Variants in EXOC6 observed in about 807,000 individuals in gnomAD.
EXOC6 encodes the protein exocyst complex component 6, also known as SEC15-like 1.
In EXOC6, 60 loss-of-function variants were observed where a neutral mutation model predicts 112.5. The observed-to-expected ratio is 0.53, with a 90% CI of 0.43 to 0.66. The LOEUF (loss-of-function observed/expected upper bound fraction) is 0.66, where lower values mean the gene tolerates loss of function less well. Among genes scored for constraint, EXOC6 ranks in the 30% least tolerant of loss-of-function variants. The pLI is 0.00. For missense variants in EXOC6, 855 were observed against 957.1 expected (o/e 0.89, Z 1.41); for synonymous variants, 295 against 308.0 (o/e 0.96, Z 0.44).
At chr10:92,986,876 A>G (rs760478058) in intron 18 of EXOC6, among the ~76,000 whole-genome samples, 21 of 152,104 alleles carry the variant, frequency 1.4e-4, no homozygotes, top group Non-Finnish European at 2.9e-4. Flanking sequence ...GAACTACGGC[A>G]GGGGCATATA....
chr10:92,887,527 G>C (rs990486934), intron 1 of EXOC6, among the ~76,000 whole-genome samples: 7 of 149,550 alleles, frequency 4.7e-5, no homozygotes, highest in Admixed American at 4.1e-4. Context: ...AGCCTCCCAA[G>C]TAGCTGGGAT....
At chr10:92,828,612 G>A (rs889419476) in intron 1 of EXOC6, among the ~76,000 whole-genome samples, 3 of 148,242 alleles carry the variant, frequency 2.0e-5, no homozygotes, top group Non-Finnish European at 4.4e-5. Context: ...AGGATTACAG[G>A]TGTGAGCCAC....
At chr10:92,891,786 G>A (rs1373720626) in intron 1 of EXOC6, among the ~76,000 whole-genome samples, 1 of 152,112 alleles carries the variant, frequency 6.6e-6, no homozygotes, top group African/African-American at 2.4e-5. Flanking sequence ...TGGCTGCCAA[G>A]AGTCTAAATT....
chr10:92,909,919 C>G (rs1315316583), intron 6 of EXOC6, among the ~76,000 whole-genome samples: 1 of 152,208 alleles, frequency 6.6e-6, no homozygotes, highest in Non-Finnish European at 1.5e-5. Flanking sequence ...CCAGCCAAAT[C>G]TGGTATAGAA....
chr10:93,000,675 A>G (rs542244971), intron 19 of EXOC6, among the ~76,000 whole-genome samples: 182 of 152,280 alleles, frequency 1.2e-3, no homozygotes, highest in African/African-American at 4.2e-3. Flanking sequence ...CTACTTCTTA[A>G]TACTTCTGTA....
intron 19 of EXOC6, among the ~76,000 whole-genome samples, chr10:93,008,690 G>C (rs1249025241): frequency 6.6e-6 from 1 of 152,114 alleles, no homozygotes. Context: ...GAAATGATTT[G>C]TATTACTATT....
intron 18 of EXOC6, among the ~76,000 whole-genome samples, chr10:92,975,072 G>A (rs1203732894): frequency 1.3e-5 from 2 of 150,978 alleles, no homozygotes; most frequent in Non-Finnish European, 3.0e-5. Flanking sequence ...GCCCAGTCTG[G>A]AAAGTGAGGA....
intron 8 of EXOC6, among the ~76,000 whole-genome samples, chr10:92,925,399 A>G (rs1851660662): frequency 6.6e-6 from 1 of 151,986 alleles, no homozygotes. Context: ...GGTTCAAGCA[A>G]TTATCATGCC....
At chr10:93,014,958 T>A (rs963552181) in intron 20 of EXOC6, among the ~76,000 whole-genome samples, 14 of 152,290 alleles carry the variant, frequency 9.2e-5, no homozygotes, top group South Asian at 2.1e-4. Context: ...TGTTTTTTTT[T>A]AATTCCTATT....
chr10:93,053,598 T>C lies in EXOC6; in HGVS notation c.2170-3326T>C, dbSNP rs371417580. Among the ~76,000 whole-genome samples, 69 of 152,338 alleles carry C rather than the reference T, an allele frequency of 4.5e-4. 2 individuals carry two copies. In the South Asian group the frequency reaches 0.01, roughly 23 times the overall value. Reference sequence around the variant, plus strand: ...GTCACTTCACTATATTCACTTGCCATAGTTTGCCTGCAAGCCAACATTGGC... The same window carrying C: ...GTCACTTCACTATATTCACTTGCCACAGTTTGCCTGCAAGCCAACATTGGC... On this transcript the variant is annotated intron_variant, in intron 20 of 21. Transcript: ENST00000260762.
chr10:92,980,497 CT>C (rs1019900634), intron 18 of EXOC6, among the ~76,000 whole-genome samples: 4 of 152,002 alleles, frequency 2.6e-5, no homozygotes, highest in Admixed American at 1.3e-4. Context: ...ACTTTTTTCA[CT>C]TTTTTTCTTG....
Position 93,058,324 on chromosome 10 carries a change from G to A in EXOC6, c.2384G>A (p.Ser795Asn), listed in dbSNP as rs756669553. 2.5e-6 allele frequency: 4 copies of A among 1,611,486 alleles called. No homozygotes were observed. Among genetic ancestry groups the A allele is most frequent in the South Asian group, 1.1e-5 (1 of 90,506 alleles). Residue 795 changes from serine to asparagine, a missense_variant, in exon 22 of 22, where the codon AGT (serine) becomes AAT (asparagine). Ser to Asn is a conservative substitution (Grantham distance 46). This residue lies in a region of EXOC6 where 450 missense variants were observed against 563.5 expected (regional missense o/e 0.80). Coordinates refer to ENST00000260762, the MANE Select transcript of EXOC6 (RefSeq NM_019053.6). Reference protein sequence around the residue: ...LIETVVKQLRSLVNGMSQHM With the variant: ...LIETVVKQLRNLVNGMSQHM ...GAGACAGTCGTGAAACAGCTGAGAA[G>A]TTTGGTGAATGGTATGTCCCAGCAC...
At chr10:93,054,566 T>G (rs1055592329) in intron 20 of EXOC6, among the ~76,000 whole-genome samples, 1 of 152,276 alleles carries the variant, frequency 6.6e-6, no homozygotes, top group African/African-American at 2.4e-5. Flanking sequence ...CATATGAGTA[T>G]CTGACCATAT....
At chr10:92,938,038 A>G (rs987238411) in intron 12 of EXOC6, among the ~76,000 whole-genome samples, 6 of 152,124 alleles carry the variant, frequency 3.9e-5, no homozygotes, top group Non-Finnish European at 7.4e-5. Context: ...AGGTAGCAGC[A>G]TCAATTTGTA....
chr10:93,037,144 C>CTTT (rs745466359), intron 20 of EXOC6, among the ~76,000 whole-genome samples: 3 of 139,380 alleles, frequency 2.2e-5, no homozygotes, highest in Non-Finnish European at 4.7e-5. Flanking sequence ...TCTTCTTCTA[C>CTTT]TTTTTTTTTT....
chr10:93,054,177 T>G (rs1846436912), intron 20 of EXOC6, among the ~76,000 whole-genome samples: 1 of 152,244 alleles, frequency 6.6e-6, no homozygotes, highest in Non-Finnish European at 1.5e-5. Flanking sequence ...AAAAGATTAC[T>G]GCTTTATTCC....
At chr10:92,950,101 A>G (rs902461146) in intron 14 of EXOC6, among the ~76,000 whole-genome samples, 2 of 152,234 alleles carry the variant, frequency 1.3e-5, no homozygotes, top group Non-Finnish European at 2.9e-5. Context: ...TCATTGGTCT[A>G]TGTATTACTC....
intron 13 of EXOC6, among the ~76,000 whole-genome samples, chr10:92,941,694 CAAATA>C (rs986762896): frequency 6.6e-6 from 1 of 152,040 alleles, no homozygotes; most frequent in Non-Finnish European, 1.5e-5. Flanking sequence ...GCTGTTTTTA[CAAATA>C]AAATAACTAG....
At chr10:92,843,578 G>A (rs1006253189), upstream of EXOC6, among the ~76,000 whole-genome samples, 2 of 152,188 alleles carry the variant, frequency 1.3e-5, no homozygotes, top group South Asian at 2.1e-4. Flanking sequence ...GGCCGGGCGC[G>A]GTGGCTCACG....
Sources: allele counts gnomAD v4.1 joint callset (sites outside exome capture counted in the v4.1 genomes callset), GRCh38; gene constraint gnomAD v4.1.1; regional missense constraint gnomAD v4.1.1; transcripts MANE v1.5; gene names NCBI Gene and HGNC (gene_info 2026-07-23, HGNC 2026-07-21).